DTNB: variants seen among roughly 807,000 people sequenced by gnomAD.
DTNB encodes dystrobrevin beta.
In DTNB, 63 loss-of-function variants were observed where a neutral mutation model predicts 90.7. The observed-to-expected ratio is 0.69, with a 90% CI of 0.57 to 0.86. The LOEUF (loss-of-function observed/expected upper bound fraction) is 0.86. Among genes scored for constraint, DTNB ranks in the 40% least tolerant of loss-of-function variants. The pLI, the probability that DTNB is intolerant of heterozygous loss-of-function variation, is 0.00. For missense variants in DTNB, 744 were observed against 807.1 expected (o/e 0.92, Z 0.95); for synonymous variants, 277 against 286.7 (o/e 0.97, Z 0.34).
chr2:25,449,773 T>C (rs2058994066), intron 12 of DTNB, among the ~76,000 whole-genome samples: 2 of 151,090 alleles, frequency 1.3e-5, no homozygotes, highest in South Asian at 4.2e-4. Context: ...TTTTTCTTTT[T>C]TTTTTTTTTG....
At chr2:25,519,664 G>A (rs2075797309) in intron 9 of DTNB, among the ~76,000 whole-genome samples, 1 of 152,150 alleles carries the variant, frequency 6.6e-6, no homozygotes, top group African/African-American at 2.4e-5. Flanking sequence ...TCCTTGGACT[G>A]TCACGTCGGC....
At position 25,559,247 on chromosome 2, in the gene DTNB, G is replaced by A. The variant is rs149907800; in HGVS notation, c.876+17591C>T. ...TCCTTGTCTTCATAGTCCAGCATCG[G>A]CAAAATCCCTCCTCTGTCCGAGGCT... On this transcript the variant is annotated intron_variant, in intron 8 of 20. Coordinates refer to ENST00000406818, the MANE Select transcript of DTNB (RefSeq NM_021907.5). 2.1e-3 allele frequency among the ~76,000 whole-genome samples: 313 copies of A among 152,190 alleles called. 3 individuals are homozygous for A. Among genetic ancestry groups the A allele is most frequent in the South Asian group, 4.2e-3 (20 of 4,808 alleles).
chr2:25,587,714 T>C (rs2062722447), intron 6 of DTNB, among the ~76,000 whole-genome samples: 1 of 152,150 alleles, frequency 6.6e-6, no homozygotes, highest in African/African-American at 2.4e-5. Context: ...AGTAAGACAC[T>C]CTCTCCTTCA....
chr2:25,578,894 T>C (rs992737067), intron 7 of DTNB, among the ~76,000 whole-genome samples: 1 of 152,118 alleles, frequency 6.6e-6, no homozygotes, highest in Admixed American at 6.6e-5. Flanking sequence ...AATACCATAA[T>C]TTTATAATTT....
intron 8 of DTNB, among the ~76,000 whole-genome samples, chr2:25,552,844 T>A (rs34049649): frequency 0.027 from 1,118 of 41,344 alleles, 83 homozygotes; most frequent in African/African-American, 0.091. Context: ...CTTTTTGATT[T>A]TTTTTTTTTT....
chr2:25,633,752 A>C (rs2076329676), intron 3 of DTNB, among the ~76,000 whole-genome samples: 1 of 149,190 alleles, frequency 6.7e-6, no homozygotes, highest in Non-Finnish European at 1.5e-5. Context: ...CCCATCTAGG[A>C]AGTGAGGAAG....
intron 16 of DTNB, among the ~76,000 whole-genome samples, chr2:25,415,532 C>T (rs1558423910): frequency 6.6e-6 from 1 of 152,000 alleles, no homozygotes; most frequent in African/African-American, 2.4e-5. Context: ...ATGAGATGAC[C>T]GGGCTTCGGG....
intron 8 of DTNB, among the ~76,000 whole-genome samples, chr2:25,542,720 T>C (rs1005653442): frequency 6.6e-6 from 1 of 152,234 alleles, no homozygotes; most frequent in Admixed American, 6.5e-5. Context: ...ATTTGGGTGT[T>C]CTATTCCATC....
At chr2:25,410,608 A>T (rs914411431) in intron 16 of DTNB, among the ~76,000 whole-genome samples, 9 of 152,142 alleles carry the variant, frequency 5.9e-5, no homozygotes, top group Non-Finnish European at 1.2e-4. Context: ...TAACTCGGGG[A>T]AGTCTGAATT....
intron 4 of DTNB, among the ~76,000 whole-genome samples, chr2:25,612,581 C>T (rs990165203): frequency 6.6e-6 from 1 of 151,730 alleles, no homozygotes; most frequent in Non-Finnish European, 1.5e-5. Context: ...TAAATAAGAG[C>T]AGAAATTAAT....
chr2:25,378,180 C>T (rs2036407953), intron 20 of DTNB, among the ~76,000 whole-genome samples: 1 of 152,180 alleles, frequency 6.6e-6, no homozygotes, highest in Non-Finnish European at 1.5e-5. Flanking sequence ...TCCTGCAGGG[C>T]GAGTCAGTTC....
intron 2 of DTNB, chr2:25,649,925 G>A: frequency 2.6e-6 from 2 of 773,574 alleles, no homozygotes; most frequent in Non-Finnish European, 3.1e-6. Flanking sequence ...TGACGTTGCT[G>A]GAAATGAGGG....
At chr2:25,607,724 C>A (rs965268861) in intron 4 of DTNB, among the ~76,000 whole-genome samples, 3 of 152,160 alleles carry the variant, frequency 2.0e-5, no homozygotes, top group Non-Finnish European at 4.4e-5. Flanking sequence ...CAGGATATTA[C>A]AACAATGGTT....
chr2:25,494,504 G>T (rs2068357262), intron 9 of DTNB, among the ~76,000 whole-genome samples: 1 of 151,506 alleles, frequency 6.6e-6, no homozygotes, highest in Non-Finnish European at 1.5e-5. Flanking sequence ...GGGGTGGTTG[G>T]GAGAGGAACT....
intron 8 of DTNB, among the ~76,000 whole-genome samples, chr2:25,574,342 A>C (rs1294744214): frequency 6.6e-6 from 1 of 152,200 alleles, no homozygotes; most frequent in African/African-American, 2.4e-5. Flanking sequence ...AGACAGGATA[A>C]ATCTCAGATA....
chr2:25,521,883 G>A (rs2076201273), intron 9 of DTNB, among the ~76,000 whole-genome samples: 1 of 152,234 alleles, frequency 6.6e-6, no homozygotes, highest in South Asian at 2.1e-4. Context: ...GGAAGACACT[G>A]GGCTCTTTCT....
rs1159982278 is a variant in DTNB at position 25,424,518 on chromosome 2, C to T, written c.1554+3017G>A. 6.6e-6 allele frequency among the ~76,000 whole-genome samples: 1 copy of T among 152,156 alleles called. No individual in the cohort carries two copies. Among genetic ancestry groups the T allele is most frequent in the Admixed American group, 6.5e-5 (1 of 15,270 alleles). On this transcript the variant is annotated intron_variant, in intron 15 of 20. Coordinates refer to ENST00000406818, the MANE Select transcript of DTNB (RefSeq NM_021907.5). The surrounding 1 kb of genome is among the most constrained non-coding windows in gnomAD (Gnocchi z 4.1). The stretch of plus-strand genomic sequence containing the variant: ...GGTACAAGGTTACTTAGGGGAGATA[C>T]ACTCTGGCTTCCCTGCAGTTTACAT...
At chr2:25,420,426 A>C (rs1203439990) in intron 15 of DTNB, among the ~76,000 whole-genome samples, 1 of 152,074 alleles carries the variant, frequency 6.6e-6, no homozygotes, top group Non-Finnish European at 1.5e-5. Context: ...TCTTATGCAG[A>C]AAGCACTGGA....
At chr2:25,504,503 A>G (rs2071812063) in intron 9 of DTNB, among the ~76,000 whole-genome samples, 1 of 151,090 alleles carries the variant, frequency 6.6e-6, no homozygotes, top group Non-Finnish European at 1.5e-5. Context: ...AGAAGGAAAG[A>G]AGGAAAGGCA....
Sources: allele counts gnomAD v4.1 joint callset (sites outside exome capture counted in the v4.1 genomes callset), GRCh38; gene constraint gnomAD v4.1.1; non-coding constraint Gnocchi (gnomAD v3.1); transcripts MANE v1.5; gene names NCBI Gene and HGNC (gene_info 2026-07-23, HGNC 2026-07-21).